Variants in CNTNAP2 observed in about 807,000 individuals in gnomAD.
The protein encoded by CNTNAP2 is contactin associated protein 2, also known as contactin-associated protein-like 2.
In CNTNAP2, 98 loss-of-function variants were observed where a neutral mutation model predicts 155.2. The observed-to-expected ratio is 0.63, with a 90% CI of 0.54 to 0.75. The LOEUF is 0.75. CNTNAP2 is among the 30% of genes least tolerant of loss of function. The probability of loss-of-function intolerance (pLI) is 0.00; values close to 1 mark genes in which losing one functional copy is unlikely to be tolerated. For synonymous variants in CNTNAP2, 651 were observed against 631.2 expected (o/e 1.03, Z -0.47); for missense variants, 1,727 against 1,688.1 (o/e 1.02, Z -0.40).
intron 15 of CNTNAP2, among the ~76,000 whole-genome samples, chr7:148,032,296 A>G (rs1305957265): frequency 6.6e-6 from 1 of 152,192 alleles, no homozygotes; most frequent in Non-Finnish European, 1.5e-5. Flanking sequence ...TAACATTTCA[A>G]GAAAATAATA....
chr7:147,310,229 T>C (rs1000634574), intron 9 of CNTNAP2, among the ~76,000 whole-genome samples: 38 of 152,266 alleles, frequency 2.5e-4, no homozygotes, highest in African/African-American at 9.1e-4. Context: ...CTCTTACAAC[T>C]GGCTTGCATT....
Position 146,839,891 on chromosome 7 carries a change from A to T in CNTNAP2, c.389A>T (p.Asp130Val), listed in dbSNP as rs1803686760. ...TGRNWKPYHQ[D>V]GNIWAFPGNI... ...AGAAACTGGAAACCCTATCATCAAGATGGGAATATCTGGGTAAGTCATTGG... is the reference window on the plus strand; with the variant it reads ...AGAAACTGGAAACCCTATCATCAAGTTGGGAATATCTGGGTAAGTCATTGG... Residue 130 changes from aspartate (D) to valine (V), a missense_variant, in exon 3 of 24, where the codon GAT becomes GTT. Transcript: ENST00000361727. 2 of 1,614,190 alleles carry T rather than the reference A, an allele frequency of 1.2e-6. No individual in the cohort carries two copies. Among genetic ancestry groups the T allele is most frequent in the Non-Finnish European group, 1.7e-6 (2 of 1,180,024 alleles).
intron 21 of CNTNAP2, among the ~76,000 whole-genome samples, chr7:148,269,395 TTGA>T (rs1796733836): frequency 6.6e-6 from 1 of 152,216 alleles, no homozygotes; most frequent in Non-Finnish European, 1.5e-5. Flanking sequence ...CTTTCTATAG[TTGA>T]TGTATTTTTA....
intron 21 of CNTNAP2, among the ~76,000 whole-genome samples, chr7:148,301,979 C>T (rs1414303579): frequency 6.6e-6 from 1 of 152,232 alleles, no homozygotes; most frequent in East Asian, 1.9e-4. Flanking sequence ...CCAAGGCTAG[C>T]TCCTTTACAA....
At chr7:147,118,754 G>C (rs1801040685) in intron 5 of CNTNAP2, among the ~76,000 whole-genome samples, 1 of 152,124 alleles carries the variant, frequency 6.6e-6, no homozygotes, top group Non-Finnish European at 1.5e-5. Context: ...TCAAAAAATA[G>C]AATGGATACA....
chr7:146,215,455 T>A (rs145689702), intron 1 of CNTNAP2, among the ~76,000 whole-genome samples: 48 of 152,206 alleles, frequency 3.2e-4, no homozygotes, highest in African/African-American at 1.1e-3. Context: ...TTCGAAACCA[T>A]CATAAGCTAA....
intron 11 of CNTNAP2, among the ~76,000 whole-genome samples, chr7:147,532,785 G>A (rs1490812504): frequency 6.6e-6 from 1 of 152,080 alleles, no homozygotes; most frequent in Non-Finnish European, 1.5e-5. Flanking sequence ...AGAAACCCCT[G>A]ATAAACCCAT....
intron 18 of CNTNAP2, among the ~76,000 whole-genome samples, chr7:148,207,147 A>G (rs1795463478): frequency 6.6e-6 from 1 of 152,248 alleles, no homozygotes; most frequent in Non-Finnish European, 1.5e-5. Context: ...ACTAAATTAA[A>G]TGCAAACAAG....
At chr7:148,316,022 C>A (rs543800184) in intron 21 of CNTNAP2, among the ~76,000 whole-genome samples, 1 of 151,992 alleles carries the variant, frequency 6.6e-6, no homozygotes, top group Non-Finnish European at 1.5e-5. Context: ...TCCTGAGCAT[C>A]CTTCTTAAGT....
intron 12 of CNTNAP2, among the ~76,000 whole-genome samples, chr7:147,629,143 T>C (rs890331287): frequency 6.6e-5 from 10 of 152,066 alleles, no homozygotes; most frequent in African/African-American, 2.4e-4. Flanking sequence ...GGTTCATGGC[T>C]GTAATCCCAG....
At chr7:147,617,961 G>A (rs1200402891) in intron 12 of CNTNAP2, among the ~76,000 whole-genome samples, 1 of 152,104 alleles carries the variant, frequency 6.6e-6, no homozygotes, top group Non-Finnish European at 1.5e-5. Flanking sequence ...TAATGCTATA[G>A]CATTTAATTG....
intron 1 of CNTNAP2, among the ~76,000 whole-genome samples, chr7:146,406,686 A>G (rs934052130): frequency 2.0e-5 from 3 of 152,122 alleles, no homozygotes; most frequent in African/African-American, 7.2e-5. Flanking sequence ...CTGGCATCAC[A>G]CAGAGGGGAC....
chr7:148,126,058 G>A (rs1045945815), intron 16 of CNTNAP2, among the ~76,000 whole-genome samples: 19 of 152,274 alleles, frequency 1.2e-4, no homozygotes, highest in African/African-American at 3.4e-4. Flanking sequence ...ACAATATGCT[G>A]TGGTTACTTA....
chr7:148,061,872 A>AG (rs1803140684), intron 15 of CNTNAP2, among the ~76,000 whole-genome samples: 3 of 119,732 alleles, frequency 2.5e-5, no homozygotes, highest in African/African-American at 9.7e-5. Flanking sequence ...TAGATAGATA[A>AG]ACAGATATAG....
At position 146,706,254 on chromosome 7, in the gene CNTNAP2, T is replaced by C. The variant is rs191531085; in HGVS notation, c.98-68017T>C. ...TTTCGTGTGTTCTCATGGATTCTCA[T>C]TGGTTCTAGCGATATTTGAGCAAAC... On this transcript the variant is annotated intron_variant, in intron 1 of 23. Coordinates refer to ENST00000361727, the MANE Select transcript of CNTNAP2 (RefSeq NM_014141.6). Among the ~76,000 whole-genome samples the C allele has an allele frequency of 2.3e-3, 347 of 152,288 alleles. 2 individuals carry two copies. The highest frequency in any genetic ancestry group is 0.017 in the Middle Eastern group (5 of 294).
chr7:146,513,880 G>A (rs987393783), intron 1 of CNTNAP2, among the ~76,000 whole-genome samples: 16 of 151,894 alleles, frequency 1.1e-4, no homozygotes, highest in Non-Finnish European at 1.8e-4. Flanking sequence ...TCTGGTCTTG[G>A]TGAATTTCCT....
intron 13 of CNTNAP2, among the ~76,000 whole-genome samples, chr7:147,678,155 A>G (rs1054110482): frequency 6.6e-6 from 1 of 151,862 alleles, no homozygotes; most frequent in Non-Finnish European, 1.5e-5. Flanking sequence ...CTTATTTTAT[A>G]GACATACATT....
intron 22 of CNTNAP2, among the ~76,000 whole-genome samples, chr7:148,387,738 T>G (rs1253267478): frequency 6.7e-6 from 1 of 148,592 alleles, no homozygotes; most frequent in East Asian, 1.9e-4. Flanking sequence ...GGGGAGCTTT[T>G]TAAAACCCAA....
chr7:148,065,477 GT>G (rs1803238869), intron 15 of CNTNAP2, among the ~76,000 whole-genome samples: 1 of 152,066 alleles, frequency 6.6e-6, no homozygotes, highest in Non-Finnish European at 1.5e-5. Flanking sequence ...CCAGTGTTAG[GT>G]GCATATATAT....
Sources: gnomAD v4.1 joint callset for allele counts (sites outside exome capture counted in the v4.1 genomes callset) on GRCh38, gnomAD v4.1.1 for gene constraint, MANE v1.5 for transcripts, NCBI Gene and HGNC (gene_info 2026-07-23, HGNC 2026-07-21) for gene names.